The following DLGAP2 variants were observed in gnomAD, a reference collection of about 807,000 sequenced individuals.
DLGAP2 encodes DLG associated protein 2.
Under a neutral mutation model 100.3 loss-of-function variants are expected in DLGAP2, and 26 were observed. The ratio of observed to expected loss-of-function variants is 0.26; its 90% confidence interval spans 0.19 to 0.36. The LOEUF is 0.36. Among genes scored for constraint, DLGAP2 ranks in the 10% least tolerant of loss-of-function variants. DLGAP2 has a pLI of 1.00. For missense variants in DLGAP2, 1,858 were observed against 1,453.2 expected (o/e 1.28, Z -4.53); for synonymous variants, 886 against 630.1 (o/e 1.41, Z -6.08).
At chr8:936,641 G>T (rs559963265) in intron 2 of DLGAP2, among the ~76,000 whole-genome samples, 14 of 152,320 alleles carry the variant, frequency 9.2e-5, no homozygotes, top group South Asian at 6.2e-4. Flanking sequence ...CTGAGCTGGA[G>T]CCTAGTTGGA....
At chr8:1,077,147 A>G (rs1803647199) in intron 2 of DLGAP2, among the ~76,000 whole-genome samples, 1 of 152,270 alleles carries the variant, frequency 6.6e-6, no homozygotes, top group Non-Finnish European at 1.5e-5. Context: ...ACCTTCATGC[A>G]GTGTTCTCCA....
chr8:1,108,674 A>G (rs1804854884), intron 2 of DLGAP2, among the ~76,000 whole-genome samples: 1 of 138,444 alleles, frequency 7.2e-6, no homozygotes, highest in Non-Finnish European at 1.5e-5. Flanking sequence ...TGAGGTGTGC[A>G]CGGGTCTGTG....
At chr8:1,392,594 T>C (rs1036353480) in intron 3 of DLGAP2, among the ~76,000 whole-genome samples, 6 of 152,222 alleles carry the variant, frequency 3.9e-5, no homozygotes, top group African/African-American at 1.4e-4. Flanking sequence ...GTTATCATAT[T>C]AACTTTGCAT....
At chr8:1,318,961 A>G (rs951323042) in intron 3 of DLGAP2, among the ~76,000 whole-genome samples, 1 of 152,072 alleles carries the variant, frequency 6.6e-6, no homozygotes, top group Non-Finnish European at 1.5e-5. Context: ...CACCTGTGAG[A>G]TGGGAATCGA....
At chr8:1,411,211 G>C (rs1044591251) in intron 3 of DLGAP2, among the ~76,000 whole-genome samples, 3 of 152,040 alleles carry the variant, frequency 2.0e-5, no homozygotes, top group African/African-American at 7.3e-5. Flanking sequence ...GCAATAATTT[G>C]GTCTGAAAAT....
At chr8:912,911 C>T (rs972425416) in intron 2 of DLGAP2, among the ~76,000 whole-genome samples, 1 of 152,252 alleles carries the variant, frequency 6.6e-6, no homozygotes, top group Admixed American at 6.5e-5. Flanking sequence ...GTGGTGCCCG[C>T]CTTCCTCTCT....
At chr8:1,351,529 C>A (rs1231782160) in intron 3 of DLGAP2, among the ~76,000 whole-genome samples, 1 of 56,424 alleles carries the variant, frequency 1.8e-5, no homozygotes, top group Non-Finnish European at 3.8e-5. Flanking sequence ...TGTGGAAAGG[C>A]CGTGTGGGTC....
At chr8:1,263,304 G>C (rs941523155) in intron 3 of DLGAP2, among the ~76,000 whole-genome samples, 1 of 152,224 alleles carries the variant, frequency 6.6e-6, no homozygotes, top group Non-Finnish European at 1.5e-5. Flanking sequence ...GTAGTTTAAG[G>C]TAAGAGATTT....
rs1184065546 is a variant in DLGAP2 at position 1,706,260 on chromosome 8, C to T, written c.*4854C>T. 6.6e-6 allele frequency: 1 copy of T among 152,222 alleles called. No homozygotes were observed. Among genetic ancestry groups the T allele is most frequent in the Non-Finnish European group, 1.5e-5 (1 of 68,040 alleles). The allele number at this position is 152,222 out of a possible 1,614,324, so 9.4% of individuals were successfully genotyped here. On this transcript the variant is annotated 3_prime_UTR_variant, in exon 15 of 15. Transcript: ENST00000637795. ...CCGGCAACTCATCTCAAGTTTATGT[C>T]TCAGTTTTTTTCCTCTAGAAAGGGG...
chr8:1,470,060 G>T (rs562644088), intron 3 of DLGAP2, among the ~76,000 whole-genome samples: 1 of 152,194 alleles, frequency 6.6e-6, no homozygotes, highest in Admixed American at 6.5e-5. Flanking sequence ...TGCTCATGAG[G>T]TTGAGGCAGG....
At chr8:1,303,236 A>G (rs1361403441) in intron 3 of DLGAP2, among the ~76,000 whole-genome samples, 1 of 152,096 alleles carries the variant, frequency 6.6e-6, no homozygotes, top group African/African-American at 2.4e-5. Flanking sequence ...TCTCTACTAA[A>G]AATACAAAAA....
chr8:1,166,433 T>C (rs931974826), intron 2 of DLGAP2, among the ~76,000 whole-genome samples: 1 of 152,342 alleles, frequency 6.6e-6, no homozygotes, highest in East Asian at 1.9e-4. Flanking sequence ...TCTTACCCTC[T>C]GTTCGTCTCC....
chr8:1,514,195 C>A (rs1043933781), intron 4 of DLGAP2, among the ~76,000 whole-genome samples: 2 of 152,210 alleles, frequency 1.3e-5, no homozygotes, highest in African/African-American at 2.4e-5. Flanking sequence ...AGGAATTGTA[C>A]ATAATTAGAG....
At chr8:1,375,222 A>T (rs1468780799) in intron 3 of DLGAP2, among the ~76,000 whole-genome samples, 1 of 73,846 alleles carries the variant, frequency 1.4e-5, no homozygotes, top group African/African-American at 9.4e-5. Context: ...CACCTCCTAC[A>T]TTTGGGTTAA....
intron 3 of DLGAP2, among the ~76,000 whole-genome samples, chr8:1,500,987 C>G (rs1410414904): frequency 6.6e-6 from 1 of 152,182 alleles, no homozygotes; most frequent in Non-Finnish European, 1.5e-5. Flanking sequence ...CCTCATGGGA[C>G]TCACCCAGCT....
At chr8:846,690 A>AT (rs1284099507) in intron 1 of DLGAP2, among the ~76,000 whole-genome samples, 4 of 151,924 alleles carry the variant, frequency 2.6e-5, no homozygotes, top group Non-Finnish European at 5.9e-5. Flanking sequence ...TGTATTTTTA[A>AT]TTTTTTTTAG....
intron 1 of DLGAP2, among the ~76,000 whole-genome samples, chr8:755,937 C>T (rs1820908044): frequency 6.6e-6 from 1 of 152,142 alleles, no homozygotes. Flanking sequence ...GGGGTGTGCC[C>T]ACAGGTGGTC....
intron 1 of DLGAP2, among the ~76,000 whole-genome samples, chr8:847,696 A>G (rs1459136940): frequency 6.6e-6 from 1 of 152,044 alleles, no homozygotes; most frequent in Non-Finnish European, 1.5e-5. Context: ...TAGTAGAGAC[A>G]GGGTTTCACC....
At chr8:1,080,311 C>T (rs1051650645) in intron 2 of DLGAP2, among the ~76,000 whole-genome samples, 10 of 152,324 alleles carry the variant, frequency 6.6e-5, no homozygotes, top group Admixed American at 3.3e-4. Context: ...TGCTCTCCTC[C>T]GGGGGGCCGG....
Sources: gnomAD v4.1 joint callset for allele counts (sites outside exome capture counted in the v4.1 genomes callset) on GRCh38, gnomAD v4.1.1 for gene constraint, MANE v1.5 for transcripts, NCBI Gene and HGNC (gene_info 2026-07-23, HGNC 2026-07-21) for gene names.